Variants in EGFLAM observed in about 807,000 individuals in gnomAD.
EGFLAM encodes the protein pikachurin.
In EGFLAM, 79 loss-of-function variants were observed where a neutral mutation model predicts 113.1. The ratio of observed to expected loss-of-function variants is 0.70; its 90% CI spans 0.58 to 0.84. The LOEUF (loss-of-function observed/expected upper bound fraction) is 0.84. Ranked by LOEUF, EGFLAM falls within the 40% of genes least tolerant of loss-of-function variation. The pLI is 0.00. For synonymous variants in EGFLAM, 504 were observed against 487.6 expected, an observed-to-expected ratio of 1.03 and a Z score of -0.44; for missense variants, 1,265 against 1,291.6, an observed-to-expected ratio of 0.98 and a Z score of 0.32.
chr5:38,377,903 A>G (rs540657913), intron 6 of EGFLAM, among the ~76,000 whole-genome samples: 21 of 152,072 alleles, frequency 1.4e-4, no homozygotes, highest in African/African-American at 4.8e-4. Flanking sequence ...CCCTCATTTT[A>G]CCCCTGGGTT....
intron 1 of EGFLAM, among the ~76,000 whole-genome samples, chr5:38,334,405 C>T (rs947847216): frequency 6.6e-6 from 1 of 152,180 alleles, no homozygotes; most frequent in Non-Finnish European, 1.5e-5. Context: ...GGCCCATAGA[C>T]AGCTGTCTTC....
chr5:38,335,219 G>C (rs1003556827), intron 1 of EGFLAM, among the ~76,000 whole-genome samples: 1 of 152,170 alleles, frequency 6.6e-6, no homozygotes, highest in Non-Finnish European at 1.5e-5. Context: ...GTATGTACTC[G>C]ATAAATTTTA....
At chr5:38,378,326 G>A (rs961503956) in intron 6 of EGFLAM, among the ~76,000 whole-genome samples, 9 of 152,244 alleles carry the variant, frequency 5.9e-5, no homozygotes, top group East Asian at 1.9e-4. Context: ...GATTTGGGCC[G>A]CTGTGTTTTT....
At chr5:38,319,723 GA>G (rs1368255584) in intron 1 of EGFLAM, among the ~76,000 whole-genome samples, 1 of 152,232 alleles carries the variant, frequency 6.6e-6, no homozygotes, top group Non-Finnish European at 1.5e-5. Context: ...CATCAAGGCT[GA>G]AGTATCCAGT....
At chr5:38,262,018 T>C (rs1757512146) in intron 1 of EGFLAM, among the ~76,000 whole-genome samples, 1 of 152,226 alleles carries the variant, frequency 6.6e-6, no homozygotes, top group African/African-American at 2.4e-5. Flanking sequence ...CTTCATTCCT[T>C]TTCAGACTAC....
intron 1 of EGFLAM, among the ~76,000 whole-genome samples, chr5:38,333,432 T>C (rs1480203012): frequency 6.6e-6 from 1 of 152,204 alleles, no homozygotes; most frequent in Non-Finnish European, 1.5e-5. Context: ...CGTATAAGAG[T>C]TCCCTTTTCT....
At chr5:38,273,278 A>G (rs142616255) in intron 1 of EGFLAM, among the ~76,000 whole-genome samples, 1,777 of 152,326 alleles carry the variant, frequency 0.012, 21 homozygotes, top group Non-Finnish European at 0.017. Context: ...GGGAAGTCCT[A>G]CACAGCCCGA....
chr5:38,317,967 A>C lies in EGFLAM; in HGVS notation c.98-19553A>C, dbSNP rs548121982. On this transcript the variant is annotated intron_variant, in intron 1 of 21. Transcript: ENST00000322350. ...GAAACCGGAGAGAAACCTGATCCTG[A>C]GAATGAGAGAAAGAAGGAAAGGTGT... 2.8e-4 allele frequency among the ~76,000 whole-genome samples: 43 copies of C among 152,316 alleles called. No homozygotes were observed. The South Asian group carries it at 3.9e-3, about 14-fold the overall frequency.
intron 3 of EGFLAM, chr5:38,345,765 T>A (rs1055029865): frequency 6.6e-6 from 1 of 152,194 alleles, no homozygotes; most frequent in African/African-American, 2.4e-5. Context: ...AAAGACTGTT[T>A]CTCTACTTTG....
chr5:38,285,766 C>G (rs1758146381), intron 1 of EGFLAM: 1 of 152,326 alleles, frequency 6.6e-6, no homozygotes, highest in Non-Finnish European at 1.5e-5. Context: ...CACAAGGCAG[C>G]AGGAGAGAGA....
At position 38,406,872 on chromosome 5, in the gene EGFLAM, G is replaced by A; in HGVS notation, c.873G>A (p.Leu291=). The A allele has an allele frequency of 6.2e-7, 1 of 1,614,024 alleles. No individual in the cohort carries two copies. Reference sequence around the variant, plus strand: ...CCAAAGGAGGGAATAAGAAATTTTTGGTGGAAAGCAAGAAGATGTCTATAT... The same window carrying A: ...CCAAAGGAGGGAATAAGAAATTTTTAGTGGAAAGCAAGAAGATGTCTATAT... ...PATKGGNKKF[L]VESKKMSISN... Residue 291 remains leucine, a synonymous_variant, in exon 8 of 22, where the codon TTG becomes TTA. Transcript: ENST00000322350.
chr5:38,448,918 G>T (rs1038055687), intron 18 of EGFLAM, among the ~76,000 whole-genome samples: 44 of 152,178 alleles, frequency 2.9e-4, no homozygotes, highest in African/African-American at 1.0e-3. Flanking sequence ...TCAGTGAGAG[G>T]CTTCTCAGCT....
intron 1 of EGFLAM, among the ~76,000 whole-genome samples, chr5:38,262,739 C>G (rs941830666): frequency 6.6e-6 from 1 of 152,156 alleles, no homozygotes; most frequent in Admixed American, 6.5e-5. Context: ...AGTTGGTGGA[C>G]TTTTAAGTTG....
At chr5:38,380,207 A>G (rs1036786456) in intron 6 of EGFLAM, among the ~76,000 whole-genome samples, 1 of 152,224 alleles carries the variant, frequency 6.6e-6, no homozygotes, top group African/African-American at 2.4e-5. Context: ...TCTGTACTAT[A>G]CTGTTTGGGC....
At chr5:38,299,361 T>C (rs897900884) in intron 1 of EGFLAM, among the ~76,000 whole-genome samples, 3 of 152,186 alleles carry the variant, frequency 2.0e-5, no homozygotes, top group African/African-American at 7.2e-5. Flanking sequence ...AGTGAGAATT[T>C]AGAATTCAGG....
In EGFLAM at chr5:38,412,579, G is replaced by A; in HGVS notation, c.1425G>A (p.Met475Ile). Residue 475 changes from methionine (M) to isoleucine (I), a missense_variant, in exon 11 of 22, where the codon ATG (methionine) becomes ATA (isoleucine). Physicochemically the swap from Met to Ile is conservative, Grantham distance 10. Transcript: ENST00000322350. Reference protein sequence around the residue: ...KIKLGGWHTVMLYRDGLNGLL... With the variant: ...KIKLGGWHTVILYRDGLNGLL... ...AACTAGGGGGTTGGCACACGGTTAT[G>A]CTCTACAGAGATGGGCTGAACGGGC... 1 of 1,614,190 alleles carries A rather than the reference G, an allele frequency of 6.2e-7. No homozygotes were observed. Among genetic ancestry groups the A allele is most frequent in the Admixed American group, 1.7e-5 (1 of 60,022 alleles).
At chr5:38,398,829 C>A (rs1213328056) in intron 6 of EGFLAM, among the ~76,000 whole-genome samples, 1 of 152,202 alleles carries the variant, frequency 6.6e-6, no homozygotes, top group African/African-American at 2.4e-5. Flanking sequence ...AAGAGATGAC[C>A]CAGTTTCTGT....
intron 1 of EGFLAM, among the ~76,000 whole-genome samples, chr5:38,273,852 A>C (rs1757823156): frequency 6.6e-6 from 1 of 152,218 alleles, no homozygotes; most frequent in South Asian, 2.1e-4. Context: ...TCAGATGAAC[A>C]AAATAAGGTG....
chr5:38,264,780 T>TGA (rs1757591817), intron 1 of EGFLAM, among the ~76,000 whole-genome samples: 3 of 152,306 alleles, frequency 2.0e-5, no homozygotes, highest in South Asian at 4.1e-4. Flanking sequence ...AGGGAAATCT[T>TGA]TAGCTCACAA....
Sources: gnomAD v4.1 joint callset for allele counts (sites outside exome capture counted in the v4.1 genomes callset) on GRCh38, gnomAD v4.1.1 for gene constraint, MANE v1.5 for transcripts, NCBI Gene and HGNC (gene_info 2026-07-23, HGNC 2026-07-21) for gene names.